CEP128: variants seen among roughly 807,000 people sequenced by gnomAD.
The protein encoded by CEP128 is centrosomal protein 128kDa.
CEP128 carries 132 observed loss-of-function variants against 156.7 expected under a neutral mutation model. That is an observed-to-expected ratio of 0.84 (90% CI 0.73 to 0.97). The LOEUF (loss-of-function observed/expected upper bound fraction) is 0.97, where lower values mean the gene tolerates loss of function less well. CEP128 is among the 50% of genes least tolerant of loss of function. The pLI is 0.00. For synonymous variants in CEP128, 469 were observed against 448.9 expected (o/e 1.04, Z -0.57); for missense variants, 1,252 against 1,281.9 (o/e 0.98, Z 0.36).
chr14:80,760,970 G>A (rs868386253), intron 17 of CEP128, among the ~76,000 whole-genome samples: 30 of 152,158 alleles, frequency 2.0e-4, no homozygotes, highest in South Asian at 8.3e-4. Flanking sequence ...TACTTAAACC[G>A]TCTAAACCTC....
At chr14:80,849,756 T>C (rs1014151941) in intron 9 of CEP128, among the ~76,000 whole-genome samples, 1 of 152,204 alleles carries the variant, frequency 6.6e-6, no homozygotes, top group South Asian at 2.1e-4. Flanking sequence ...GGATAATCTA[T>C]CTGTTGGATA....
intron 19 of CEP128, among the ~76,000 whole-genome samples, chr14:80,625,099 G>A (rs1028688358): frequency 6.6e-6 from 1 of 152,118 alleles, no homozygotes; most frequent in Non-Finnish European, 1.5e-5. Context: ...AATATGTTTT[G>A]TATATGGTTA....
chr14:80,715,671 A>G (rs1276228197), intron 19 of CEP128, among the ~76,000 whole-genome samples: 1 of 152,178 alleles, frequency 6.6e-6, no homozygotes, highest in Non-Finnish European at 1.5e-5. Flanking sequence ...AAATTAGTAA[A>G]AAGGAGGGAA....
Position 80,785,284 on chromosome 14 carries a change from C to A in CEP128, c.1822G>T (p.Glu608Ter), listed in dbSNP as rs765164342. 1.9e-6 allele frequency: 3 copies of A among 1,614,172 alleles called. No individual in the cohort carries two copies. The highest frequency in any genetic ancestry group is 2.5e-6 in the Non-Finnish European group (3 of 1,180,018). ...ATTTCTTCCTCCAAGTGAGCTTTCT[C>A]AACTTTCATCTGGCTTTGGATCTTA... Reference protein sequence around the residue: ...QSKIQSQMKVEKAHLEEEIAE... With the variant: ...QSKIQSQMKV The change falls in exon 15 of 25, where the codon GAG (glutamate) becomes TAG (stop). Residue 608 changes from glutamate to a stop codon, truncating the protein, a stop_gained. Transcript: ENST00000555265. LOFTEE classifies it high-confidence loss of function.
At chr14:80,723,142 C>T (rs1201002486) in intron 19 of CEP128, among the ~76,000 whole-genome samples, 1 of 152,026 alleles carries the variant, frequency 6.6e-6, no homozygotes, top group Non-Finnish European at 1.5e-5. Flanking sequence ...ATCTTTTAAA[C>T]ATTACTAAGA....
At chr14:80,706,675 T>C (rs531831927) in intron 19 of CEP128, among the ~76,000 whole-genome samples, 1 of 152,280 alleles carries the variant, frequency 6.6e-6, no homozygotes, top group African/African-American at 2.4e-5. Context: ...TCTCTAGTTT[T>C]GTGTCTTTTA....
chr14:80,680,834 C>G (rs76880934), intron 19 of CEP128, among the ~76,000 whole-genome samples: 4,064 of 152,174 alleles, frequency 0.027, 181 homozygotes, highest in African/African-American at 0.093. Flanking sequence ...CTTGTGTTTA[C>G]CATTGGGGGA....
At chr14:80,780,006 T>G (rs1180906886) in intron 15 of CEP128, among the ~76,000 whole-genome samples, 1 of 152,146 alleles carries the variant, frequency 6.6e-6, no homozygotes, top group African/African-American at 2.4e-5. Context: ...ACAAAATGAT[T>G]TTGTTGAAAT....
intron 19 of CEP128, among the ~76,000 whole-genome samples, chr14:80,675,690 C>T (rs943187893): frequency 1.3e-5 from 2 of 151,910 alleles, no homozygotes; most frequent in Admixed American, 6.5e-5. Context: ...GGTCTCTTTG[C>T]TTTTTTGTTT....
intron 19 of CEP128, among the ~76,000 whole-genome samples, chr14:80,594,243 T>C (rs1326123539): frequency 6.6e-6 from 1 of 152,176 alleles, no homozygotes; most frequent in Non-Finnish European, 1.5e-5. Context: ...ATTTAATAAA[T>C]GGTGTTGGGG....
intron 14 of CEP128, among the ~76,000 whole-genome samples, chr14:80,790,508 C>G (rs968261312): frequency 1.3e-5 from 2 of 152,044 alleles, no homozygotes; most frequent in African/African-American, 4.8e-5. Context: ...CTGAAGTACA[C>G]CACAATTCCC....
chr14:80,512,878 C>T (rs1186149505), intron 23 of CEP128, among the ~76,000 whole-genome samples: 1 of 152,044 alleles, frequency 6.6e-6, no homozygotes, highest in East Asian at 1.9e-4. Flanking sequence ...AACTTCACCC[C>T]TCCCACTTTT....
At chr14:80,882,513 G>C (rs80278306) in intron 8 of CEP128, among the ~76,000 whole-genome samples, 1 of 151,988 alleles carries the variant, frequency 6.6e-6, no homozygotes, top group African/African-American at 2.4e-5. Flanking sequence ...TGGTATGAAG[G>C]GTCCTCAAAA....
intron 19 of CEP128, among the ~76,000 whole-genome samples, chr14:80,734,315 T>C (rs914878675): frequency 6.6e-6 from 1 of 151,988 alleles, no homozygotes; most frequent in African/African-American, 2.4e-5. Flanking sequence ...CATACTAACA[T>C]AATCAAAAGT....
intron 23 of CEP128, among the ~76,000 whole-genome samples, chr14:80,508,323 A>G (rs1221382955): frequency 6.6e-6 from 1 of 152,262 alleles, no homozygotes; most frequent in Non-Finnish European, 1.5e-5. Context: ...AAAATTCAGG[A>G]GAAAAATTAT....
intron 20 of CEP128, among the ~76,000 whole-genome samples, chr14:80,577,457 G>A (rs1047813290): frequency 1.3e-5 from 2 of 151,982 alleles, no homozygotes; most frequent in East Asian, 1.9e-4. Flanking sequence ...TTGCCGAATC[G>A]AGAAACACAA....
intron 9 of CEP128, among the ~76,000 whole-genome samples, chr14:80,848,225 C>A (rs951716934): frequency 6.6e-6 from 1 of 152,166 alleles, no homozygotes; most frequent in Non-Finnish European, 1.5e-5. Flanking sequence ...GCGCACAAAC[C>A]GTACAACTGT....
At chr14:80,815,683 A>G (rs769943275) in intron 13 of CEP128, among the ~76,000 whole-genome samples, 27 of 152,232 alleles carry the variant, frequency 1.8e-4, no homozygotes, top group Non-Finnish European at 2.1e-4. Flanking sequence ...CCATCAATGG[A>G]TGAATGGATT....
chr14:80,665,980 A>T (rs1424588233), intron 19 of CEP128, among the ~76,000 whole-genome samples: 1 of 152,180 alleles, frequency 6.6e-6, no homozygotes, highest in Non-Finnish European at 1.5e-5. Context: ...TCCAAAAGAG[A>T]GAAGAGAAAA....
Sources: gnomAD v4.1 joint callset for allele counts (sites outside exome capture counted in the v4.1 genomes callset) on GRCh38, gnomAD v4.1.1 for gene constraint, MANE v1.5 for transcripts, NCBI Gene and HGNC (gene_info 2026-07-23, HGNC 2026-07-21) for gene names.